The following ANOS1 variants were observed in gnomAD, a reference collection of about 807,000 sequenced individuals.
ANOS1 encodes anosmin-1.
ANOS1 carries 6 observed loss-of-function variants against 59.0 expected under a neutral mutation model. That is an observed-to-expected ratio of 0.10 (90% CI 0.06 to 0.20). The LOEUF (loss-of-function observed/expected upper bound fraction) is 0.20, where lower values mean the gene tolerates loss of function less well. Among genes scored for constraint, ANOS1 ranks in the 10% least tolerant of loss-of-function variants. The pLI is 1.00. For missense variants in ANOS1, 433 were observed against 542.3 expected (o/e 0.80, Z 2.00); for synonymous variants, 217 against 223.4 (o/e 0.97, Z 0.25).
intron 1 of ANOS1, among the ~76,000 whole-genome samples, chrX:8,718,627 A>T (rs1041765433): frequency 4.5e-5 from 5 of 112,159 alleles, no homozygotes; most frequent in African/African-American, 1.6e-4. Context: ...TCTAGGGGCC[A>T]GGCGCCAATG....
intron 6 of ANOS1, among the ~76,000 whole-genome samples, chrX:8,582,634 C>T (rs146099629): frequency 3.9e-3 from 430 of 111,008 alleles, no homozygotes; most frequent in African/African-American, 0.013. Flanking sequence ...CAGGTGGCTG[C>T]GTTGAGAGAG....
chrX:8,574,120 C>A (rs1253287848), intron 6 of ANOS1, among the ~76,000 whole-genome samples: 2 of 110,343 alleles, frequency 1.8e-5, no homozygotes, highest in Admixed American at 1.9e-4. Flanking sequence ...TTTATCACCT[C>A]CACCCCTCAG....
At chrX:8,726,853 CCTT>C (rs1188745818) in intron 1 of ANOS1, among the ~76,000 whole-genome samples, 2 of 112,046 alleles carry the variant, frequency 1.8e-5, no homozygotes, top group Non-Finnish European at 3.8e-5. Context: ...TCCCTCCTTT[CCTT>C]CTTCTTTAAT....
At chrX:8,644,025 C>T (rs1438460693) in intron 2 of ANOS1, among the ~76,000 whole-genome samples, 1 of 111,142 alleles carries the variant, frequency 9.0e-6, no homozygotes, top group Non-Finnish European at 1.9e-5. Context: ...AGCTGTGCCC[C>T]GACCACCTTG....
At chrX:8,622,998 C>T (rs866666317) in intron 3 of ANOS1, among the ~76,000 whole-genome samples, 6 of 106,871 alleles carry the variant, frequency 5.6e-5, no homozygotes, top group South Asian at 8.7e-4. Flanking sequence ...GATGGATAGC[C>T]GGATGGATGG....
intron 9 of ANOS1, among the ~76,000 whole-genome samples, chrX:8,549,367 G>C (rs1043868283): frequency 1.8e-5 from 2 of 112,215 alleles, no homozygotes; most frequent in Non-Finnish European, 3.8e-5. Flanking sequence ...AATCATTATT[G>C]TATGGGAATA....
At chrX:8,537,274 CTT>C in intron 10 of ANOS1, among the ~76,000 whole-genome samples, 1 of 111,563 alleles carries the variant, frequency 9.0e-6, no homozygotes, top group East Asian at 2.8e-4. Flanking sequence ...ACAAATCTAA[CTT>C]TTTTCAGTTA....
At chrX:8,553,841 C>G (rs1260720710) in intron 9 of ANOS1, 111 bp downstream of exon 9, 3 of 667,575 alleles carry the variant, frequency 4.5e-6, no homozygotes, top group Non-Finnish European at 7.1e-6. Context: ...TGTTCAACAA[C>G]CGTTTGCCTT....
chrX:8,633,194 C>T (rs1352152553), intron 2 of ANOS1, among the ~76,000 whole-genome samples: 2 of 111,675 alleles, frequency 1.8e-5, no homozygotes, highest in African/African-American at 6.5e-5. Flanking sequence ...AGGCCTGAGA[C>T]GTTCGCATCA....
In ANOS1 at chrX:8,730,145, GA is replaced by G. The variant is rs1157321275; in HGVS notation, c.207+1684del. ...TACAGCACTGACAATTCAAGAAAAAGAAAAAAAAAAGGTACTCTTTCTCCCT... is the reference window on the plus strand; with the variant it reads ...TACAGCACTGACAATTCAAGAAAAAGAAAAAAAAAGGTACTCTTTCTCCCT... On this transcript the variant is annotated intron_variant, in intron 1 of 13. Transcript: ENST00000262648. Among the ~76,000 whole-genome samples, 274 of 105,130 alleles carry G rather than the reference GA, an allele frequency of 2.6e-3. 1 individual carries two copies. The highest frequency in any genetic ancestry group is 7.5e-3 in the African/African-American group (218 of 28,984). The allele number at this position is 105,130 out of a possible 115,157, so 91.3% of individuals were successfully genotyped here. A position where few individuals can be genotyped will look rare whatever the true frequency, so the allele number is the denominator to read the frequency against.
At chrX:8,660,624 A>AT (rs111314079) in intron 2 of ANOS1, among the ~76,000 whole-genome samples, 50,158 of 109,670 alleles carry the variant, frequency 0.46, 10,474 homozygotes, top group African/African-American at 0.82. Flanking sequence ...TTAAAAAGAA[A>AT]ATTTTTAAAA....
intron 6 of ANOS1, among the ~76,000 whole-genome samples, chrX:8,575,545 C>T (rs1164960664): frequency 9.0e-6 from 1 of 111,320 alleles, no homozygotes; most frequent in Non-Finnish European, 1.9e-5. Flanking sequence ...TCATTTCCTG[C>T]CCTGGAAAAT....
intron 1 of ANOS1, among the ~76,000 whole-genome samples, chrX:8,728,301 T>C (rs1397827285): frequency 8.9e-6 from 1 of 111,970 alleles, no homozygotes; most frequent in Non-Finnish European, 1.9e-5. Flanking sequence ...GAGTAGTACT[T>C]GTAAAATACC....
intron 9 of ANOS1, among the ~76,000 whole-genome samples, chrX:8,553,317 C>T (rs1250784996): frequency 9.7e-6 from 1 of 103,401 alleles, no homozygotes; most frequent in Non-Finnish European, 1.9e-5. Context: ...AACAGAAATT[C>T]TAAAGAACTG....
At chrX:8,583,148 C>CT (rs753773045) in intron 6 of ANOS1, among the ~76,000 whole-genome samples, 119 of 99,585 alleles carry the variant, frequency 1.2e-3, no homozygotes, top group African/African-American at 4.2e-3. Flanking sequence ...CCCAAATAGG[C>CT]TTTTTTCTAA....
chrX:8,688,278 C>T (rs908639527), intron 2 of ANOS1, among the ~76,000 whole-genome samples: 2 of 111,977 alleles, frequency 1.8e-5, no homozygotes, highest in African/African-American at 6.5e-5. Flanking sequence ...TAAGGGTCCC[C>T]AAACTTCAAT....
intron 2 of ANOS1, among the ~76,000 whole-genome samples, chrX:8,628,146 TA>T (rs778111689): frequency 9.0e-6 from 1 of 111,559 alleles, no homozygotes; most frequent in East Asian, 2.8e-4. Context: ...CATTATGCAC[TA>T]ATTATAAGGC....
At chrX:8,642,979 G>A (rs1339144543) in intron 2 of ANOS1, among the ~76,000 whole-genome samples, 2 of 112,253 alleles carry the variant, frequency 1.8e-5, no homozygotes, top group Non-Finnish European at 3.8e-5. Context: ...CTCCTCTTTC[G>A]TGTTAGTTTT....
chrX:8,715,274 C>A (rs1003808435), intron 1 of ANOS1, among the ~76,000 whole-genome samples: 3 of 110,463 alleles, frequency 2.7e-5, no homozygotes, highest in Non-Finnish European at 5.7e-5. Context: ...TGAAATATTT[C>A]TCTTTTTTCA....
Sources: gnomAD v4.1 joint callset for allele counts (sites outside exome capture counted in the v4.1 genomes callset) on GRCh38, gnomAD v4.1.1 for gene constraint, MANE v1.5 for transcripts, NCBI Gene and HGNC (gene_info 2026-07-23, HGNC 2026-07-21) for gene names.